Variants in KDM6A observed in about 807,000 individuals in gnomAD.
The protein encoded by KDM6A is lysine-specific demethylase 6A.
In KDM6A, 11 loss-of-function variants were observed where a neutral mutation model predicts 117.6. The observed-to-expected ratio is 0.09, with a 90% CI of 0.06 to 0.15. The LOEUF (loss-of-function observed/expected upper bound fraction) is 0.15. Among genes scored for constraint, KDM6A ranks in the 10% least tolerant of loss-of-function variants. The pLI, the probability that KDM6A is intolerant of heterozygous loss-of-function variation, is 1.00. For synonymous variants in KDM6A, 384 were observed against 396.1 expected, an observed-to-expected ratio of 0.97 and a Z score of 0.36; for missense variants, 799 against 1,077.3, an observed-to-expected ratio of 0.74 and a Z score of 3.62.
At chrX:44,963,483 G>GTGTCTGTCTGTC (rs1556012411) in intron 3 of KDM6A, among the ~76,000 whole-genome samples, 93 of 40,870 alleles carry the variant, frequency 2.3e-3, no homozygotes, top group East Asian at 5.2e-3. Flanking sequence ...GTGTGTGTGT[G>GTGTCTGTCTGTC]TGTCTGTCTG....
chrX:44,979,113 G>A (rs548281790), intron 4 of KDM6A, among the ~76,000 whole-genome samples: 6 of 112,203 alleles, frequency 5.3e-5, no homozygotes, highest in East Asian at 5.6e-4. Context: ...ATGCTGAATT[G>A]CTTTGCAGTT....
At chrX:45,009,719 T>C (rs1394498268) in intron 4 of KDM6A, among the ~76,000 whole-genome samples, 1 of 111,769 alleles carries the variant, frequency 8.9e-6, no homozygotes, top group Non-Finnish European at 1.9e-5. Flanking sequence ...AGTTCCTTCA[T>C]ACTTAGGGCA....
intron 3 of KDM6A, among the ~76,000 whole-genome samples, chrX:44,968,022 CAGTA>C (rs1267429039): frequency 8.9e-6 from 1 of 112,148 alleles, no homozygotes; most frequent in African/African-American, 3.2e-5. Flanking sequence ...TTATGTTCCT[CAGTA>C]AGGAGTTTCC....
intron 3 of KDM6A, among the ~76,000 whole-genome samples, chrX:44,971,959 C>G (rs1256971300): frequency 9.2e-6 from 1 of 108,939 alleles, no homozygotes; most frequent in Non-Finnish European, 1.9e-5. Context: ...GTGAACGGCA[C>G]AGAGAAGGGT....
intron 10 of KDM6A, 91 bp from the exon 11 acceptor site, chrX:45,058,913 CTG>C: frequency 1.3e-6 from 1 of 749,250 alleles, no homozygotes; most frequent in South Asian, 2.2e-5. Context: ...AAAAAATTTG[CTG>C]TGATATATAG....
chrX:45,037,805 T>C, intron 8 of KDM6A, 116 bp downstream of exon 8: 1 of 584,836 alleles, frequency 1.7e-6, no homozygotes, highest in Non-Finnish European at 2.8e-6. Flanking sequence ...GGGCGTTACT[T>C]CTTAGGTAAA....
chrX:44,945,447 T>G (rs1270524352), intron 2 of KDM6A, among the ~76,000 whole-genome samples: 1 of 110,976 alleles, frequency 9.0e-6, no homozygotes, highest in Non-Finnish European at 1.9e-5. Flanking sequence ...GTCCGAAGAC[T>G]TAAGAAGTTT....
Position 44,873,281 on chromosome X carries a change from C to G in KDM6A, c.-271C>G. On this transcript the variant is annotated 5_prime_UTR_variant, in exon 1 of 30. Transcript: ENST00000611820. The stretch of plus-strand genomic sequence containing the variant: ...CGCGCGCTCCGGCCGTTCCCGCCGT[C>G]CCCGCCTGTGGCTGCCCCCTGCCCA... 1.2e-5 allele frequency: 4 copies of G among 322,196 alleles called. No individual in the cohort carries two copies. The highest frequency in any genetic ancestry group is 1.1e-5 in the Non-Finnish European group (2 of 187,398). The allele number at this position is 322,196 out of a possible 1,213,427, so 26.6% of individuals were successfully genotyped here.
chrX:44,932,691 T>C (rs1405593333), intron 2 of KDM6A, among the ~76,000 whole-genome samples: 2 of 111,030 alleles, frequency 1.8e-5, no homozygotes, highest in African/African-American at 6.5e-5. Flanking sequence ...ATTAAGCCCC[T>C]TATTCACATG....
intron 2 of KDM6A, among the ~76,000 whole-genome samples, chrX:44,943,574 A>G (rs1359534739): frequency 8.9e-6 from 1 of 112,238 alleles, no homozygotes; most frequent in Admixed American, 9.5e-5. Flanking sequence ...GACTGGCTTC[A>G]TTCACTCAGC....
At chrX:45,040,983 G>T (rs1602689733) in intron 8 of KDM6A, among the ~76,000 whole-genome samples, 4 of 75,987 alleles carry the variant, frequency 5.3e-5, no homozygotes, top group African/African-American at 2.0e-4. Flanking sequence ...CGGGGCGGCC[G>T]GCCGGGCGGG....
chrX:45,083,498 C>T lies in KDM6A; in HGVS notation c.3479C>T (p.Ala1160Val). 1 of 1,209,370 alleles carries T rather than the reference C, an allele frequency of 8.3e-7. No homozygotes were observed. The change falls in exon 24 of 30, where the codon GCT (alanine) becomes GTT (valine). Residue 1160 changes from alanine (A) to valine (V), a missense_variant. Ala to Val is a moderately conservative substitution (Grantham distance 64, BLOSUM62 0). Transcript: ENST00000611820. ...LQLHELTKLP[A>V]FVRVVSAGNL... ...CTACATGAGCTGACTAAACTTCCTG[C>T]TTTTGTGCGTGTCGTATCAGCAGGA...
At chrX:44,878,550 T>C (rs986885981) in intron 2 of KDM6A, among the ~76,000 whole-genome samples, 4 of 111,875 alleles carry the variant, frequency 3.6e-5, no homozygotes, top group Admixed American at 1.9e-4. Context: ...AATAAAGATA[T>C]ACTAAGATTA....
chrX:44,919,127 CTTG>C (rs1187036138), intron 2 of KDM6A, among the ~76,000 whole-genome samples: 2 of 111,578 alleles, frequency 1.8e-5, no homozygotes, highest in Admixed American at 9.5e-5. Flanking sequence ...CTCAGTTTAC[CTTG>C]TTATCAGTAT....
At chrX:44,920,423 T>C (rs2035839819) in intron 2 of KDM6A, among the ~76,000 whole-genome samples, 1 of 110,806 alleles carries the variant, frequency 9.0e-6, no homozygotes, top group Non-Finnish European at 1.9e-5. Flanking sequence ...TAGCATAATA[T>C]ATCTTTTTAC....
At chrX:44,909,007 T>C (rs2034907703) in intron 2 of KDM6A, among the ~76,000 whole-genome samples, 1 of 112,228 alleles carries the variant, frequency 8.9e-6, no homozygotes, top group Admixed American at 9.4e-5. Context: ...CAGTGAATTA[T>C]CACATAGTAA....
intron 12 of KDM6A, 111 bp downstream of exon 12, chrX:45,059,577 G>C (rs2044220055): frequency 5.5e-6 from 3 of 546,895 alleles, no homozygotes; most frequent in Non-Finnish European, 9.3e-6. Flanking sequence ...TCTATAATCT[G>C]TTTCCATATT....
At chrX:44,899,040 T>G (rs772671543) in intron 2 of KDM6A, among the ~76,000 whole-genome samples, 1 of 96,720 alleles carries the variant, frequency 1.0e-5, no homozygotes, top group South Asian at 5.2e-4. Context: ...TGTGTGTGTT[T>G]GTTTGTTTTC....
rs192646832 is a variant in KDM6A, at chrX:45,020,774, G to T, written c.564+44G>T. The stretch of plus-strand genomic sequence containing the variant: ...TCAAGATACAATGTTTAATTTTGTG[G>T]TTTTTTTGTTTTTGTTTTTCTTAAA... On this transcript the variant is annotated intron_variant, in intron 6 of 29. Transcript: ENST00000611820. 3.2e-4 allele frequency: 379 copies of T among 1,173,497 alleles called. No individual in the cohort carries two copies. In the African/African-American group the frequency reaches 4.1e-3, roughly 13 times the overall value.
Sources: gnomAD v4.1 joint callset for allele counts (sites outside exome capture counted in the v4.1 genomes callset) on GRCh38, gnomAD v4.1.1 for gene constraint, MANE v1.5 for transcripts, NCBI Gene and HGNC (gene_info 2026-07-23, HGNC 2026-07-21) for gene names.